Variants in NFIB observed in about 807,000 individuals in gnomAD.
NFIB encodes the protein nuclear factor I B.
A neutral mutation model predicts 61.5 loss-of-function variants in NFIB; 11 were observed. That is an observed-to-expected ratio of 0.18 (90% CI 0.11 to 0.30). The LOEUF (loss-of-function observed/expected upper bound fraction) is 0.30, where lower values mean the gene tolerates loss of function less well. Ranked by LOEUF, NFIB falls within the 10% of genes least tolerant of loss-of-function variation. The pLI is 1.00. For synonymous variants in NFIB, 260 were observed against 216.5 expected, an observed-to-expected ratio of 1.20 and a Z score of -1.76; for missense variants, 471 against 608.9, an observed-to-expected ratio of 0.77 and a Z score of 2.38.
the NFIB span, among the ~76,000 whole-genome samples, chr9:14,478,544 T>G: frequency 6.6e-6 from 1 of 152,232 alleles, no homozygotes; most frequent in Admixed American, 6.5e-5. Context: ...AGAAATCACT[T>G]GGGTATTGTT....
the NFIB span, among the ~76,000 whole-genome samples, chr9:14,431,413 C>G: frequency 1.5e-4 from 23 of 152,124 alleles, no homozygotes; most frequent in African/African-American, 5.6e-4. Flanking sequence ...TAATGGAAAA[C>G]TCACTCTAGA....
At chr9:14,205,767 C>T (rs140746127) in intron 2 of NFIB, among the ~76,000 whole-genome samples, 68 of 152,350 alleles carry the variant, frequency 4.5e-4, no homozygotes, top group African/African-American at 1.6e-3. Context: ...TGCTTATTCA[C>T]TGAATGCCCA....
chr9:14,431,300 C>A, the NFIB span, among the ~76,000 whole-genome samples: 1 of 152,084 alleles, frequency 6.6e-6, no homozygotes, highest in East Asian at 1.9e-4. Context: ...TGGATCTGGC[C>A]ACTCAGTAGA....
At position 14,342,527 on chromosome 9, in the gene NFIB, A is replaced by C. The variant is rs188906919; in HGVS notation, c.109-35007T>G. Among the ~76,000 whole-genome samples the C allele has an allele frequency of 2.4e-3, 371 of 152,236 alleles. 3 individuals carry two copies. Among genetic ancestry groups the C allele is most frequent in the East Asian group, 2.7e-3 (14 of 5,178 alleles). ...AAAAAAGAAATAGGGAGGAAGAAAG[A>C]AAAAGAGGGAAGGAAGGCTCGTTTA... On this transcript the variant is annotated intron_variant, in intron 1 of 8. Coordinates refer to the NFIB transcript ENST00000380934.
intron 1 of NFIB, among the ~76,000 whole-genome samples, chr9:14,350,568 C>T (rs902551581): frequency 6.6e-6 from 1 of 152,158 alleles, no homozygotes; most frequent in East Asian, 1.9e-4. Flanking sequence ...TACCGTTATT[C>T]CAGATCTCTC....
At chr9:14,320,398 A>C (rs2060634060) in intron 1 of NFIB, among the ~76,000 whole-genome samples, 1 of 152,184 alleles carries the variant, frequency 6.6e-6, no homozygotes, top group Non-Finnish European at 1.5e-5. Flanking sequence ...AATCTGTAGT[A>C]TATTGCGTCA....
chr9:14,335,089 A>G (rs1173690994), intron 1 of NFIB, among the ~76,000 whole-genome samples: 1 of 152,206 alleles, frequency 6.6e-6, no homozygotes, highest in African/African-American at 2.4e-5. Context: ...TTGATGGACA[A>G]TTAGGTTTTT....
chr9:14,196,757 A>G (rs79334991), intron 2 of NFIB, among the ~76,000 whole-genome samples: 1,753 of 152,116 alleles, frequency 0.012, 31 homozygotes, highest in African/African-American at 0.04. Context: ...TCTACAAGTA[A>G]AACCTTAAAA....
At chr9:14,287,191 G>A (rs921268935) in intron 2 of NFIB, among the ~76,000 whole-genome samples, 1 of 152,024 alleles carries the variant, frequency 6.6e-6, no homozygotes, top group Non-Finnish European at 1.5e-5. Context: ...CAGCACTCTG[G>A]GAGGCCGAGG....
At chr9:14,152,047 A>T (rs746696359) in intron 4 of NFIB, among the ~76,000 whole-genome samples, 1 of 152,132 alleles carries the variant, frequency 6.6e-6, no homozygotes, top group Non-Finnish European at 1.5e-5. Context: ...AACTTAAAAT[A>T]TTTTTAAGAA....
chr9:14,425,607 A>ATTTTTTTTTTT, the NFIB span, among the ~76,000 whole-genome samples: 2 of 99,050 alleles, frequency 2.0e-5, no homozygotes, highest in Non-Finnish European at 4.0e-5. Context: ...TTGCTACATA[A>ATTTTTTTTTTT]TTTTTTTTTT....
At chr9:14,314,169 AGGGCCGGGGTG>A (rs2060429474), upstream of NFIB, 1 of 105,730 alleles carries the variant, frequency 9.5e-6, no homozygotes, top group Non-Finnish European at 1.2e-5. Flanking sequence ...CGCGCGGGAG[AGGGCCGGGGTG>A]GGGGCGGGGT....
At chr9:14,389,328 CCTTT>C (rs1426461072) in intron 1 of NFIB, among the ~76,000 whole-genome samples, 5 of 152,154 alleles carry the variant, frequency 3.3e-5, no homozygotes, top group Non-Finnish European at 7.4e-5. Context: ...TCTCCTCCCA[CCTTT>C]CTGAGTCCAT....
intron 1 of NFIB, among the ~76,000 whole-genome samples, chr9:14,387,010 C>G (rs193253128): frequency 4.9e-4 from 74 of 152,334 alleles, no homozygotes; most frequent in African/African-American, 1.7e-3. Context: ...TAAAATGAAA[C>G]TGACCACAGA....
chr9:14,338,474 G>A (rs555497483), intron 1 of NFIB, among the ~76,000 whole-genome samples: 58 of 152,274 alleles, frequency 3.8e-4, no homozygotes, highest in Middle Eastern at 3.4e-3. Context: ...AGAACAACTG[G>A]AGTTTGAACC....
chr9:14,353,629 G>T (rs1280452967), intron 1 of NFIB, among the ~76,000 whole-genome samples: 1 of 152,146 alleles, frequency 6.6e-6, no homozygotes, highest in African/African-American at 2.4e-5. Flanking sequence ...TTCAATACCT[G>T]TCAGGACAAA....
chr9:14,475,532 C>T, the NFIB span, among the ~76,000 whole-genome samples: 3 of 152,150 alleles, frequency 2.0e-5, no homozygotes, highest in East Asian at 5.8e-4. Flanking sequence ...ATGCCCACTG[C>T]TTCCTGTCCT....
At chr9:14,490,585 AAC>A in the NFIB span, among the ~76,000 whole-genome samples, 1 of 152,150 alleles carries the variant, frequency 6.6e-6, no homozygotes, top group Non-Finnish European at 1.5e-5. Context: ...AGACTACATA[AAC>A]AGTTCCACAA....
At chr9:14,300,114 C>A in intron 2 of NFIB, 2 of 398,206 alleles carry the variant, frequency 5.0e-6, no homozygotes, top group South Asian at 2.6e-4. Context: ...CAACTAAATT[C>A]AGTTAAATTA....
Sources: allele counts gnomAD v4.1 joint callset (sites outside exome capture counted in the v4.1 genomes callset), GRCh38; gene constraint gnomAD v4.1.1; transcripts MANE v1.5; gene names NCBI Gene and HGNC (gene_info 2026-07-23, HGNC 2026-07-21).